The following ADGRA3 variants were observed in gnomAD, a reference collection of about 807,000 sequenced individuals.
ADGRA3 encodes adhesion G protein-coupled receptor A3.
ADGRA3 carries 56 observed loss-of-function variants against 119.8 expected under a neutral mutation model. The ratio of observed to expected loss-of-function variants is 0.47; its 90% CI spans 0.38 to 0.58. The LOEUF (loss-of-function observed/expected upper bound fraction) is 0.58. Among genes scored for constraint, ADGRA3 ranks in the 20% least tolerant of loss-of-function variants. ADGRA3 has a pLI of 0.00. For synonymous variants in ADGRA3, 607 were observed against 623.8 expected, an observed-to-expected ratio of 0.97 and a Z score of 0.40; for missense variants, 1,516 against 1,649.0, an observed-to-expected ratio of 0.92 and a Z score of 1.40.
At position 22,388,027 on chromosome 4, in the gene ADGRA3, T is replaced by A. The variant is rs1713917185; in HGVS notation, c.3644A>T (p.Glu1215Val). The change falls in exon 19 of 19, where the codon GAA becomes GTA. Residue 1215 changes from glutamate (E) to valine (V), a missense_variant. By Grantham distance (121) the Glu-to-Val change is moderately radical. Coordinates refer to ENST00000334304, the MANE Select transcript of ADGRA3 (RefSeq NM_145290.4). ...AGCTCTTCGGCTCCTCGAGTGTCCT[T>A]CGTTATTGCCCAGCCGGCTTTTAGG... ...GLPKSRLGNN[E>V]GHSRSRRAYL... The A allele has an allele frequency of 1.9e-6, 3 of 1,614,018 alleles. No individual in the cohort carries two copies. The South Asian group carries it at 3.3e-5, about 18-fold the overall frequency.
intron 12 of ADGRA3, among the ~76,000 whole-genome samples, chr4:22,415,167 TCTATGTTAATAGTTCCTAC>T (rs1715379821): frequency 6.6e-6 from 1 of 152,124 alleles, no homozygotes; most frequent in African/African-American, 2.4e-5. Flanking sequence ...TTTTGAAACC[TCTATGTTAATAGTTCCTAC>T]CACTTGCATT....
intron 2 of ADGRA3, among the ~76,000 whole-genome samples, chr4:22,472,208 G>C (rs1717880607): frequency 6.6e-6 from 1 of 152,122 alleles, no homozygotes; most frequent in Non-Finnish European, 1.5e-5. Context: ...ATATGCAAAT[G>C]GTATCTGTCA....
intron 16 of ADGRA3, chr4:22,394,919 G>GA (rs1462000440): frequency 3.3e-5 from 5 of 152,026 alleles, no homozygotes; most frequent in African/African-American, 1.2e-4. Context: ...ACAAATTTCA[G>GA]AAAAAATGAG....
intron 1 of ADGRA3, among the ~76,000 whole-genome samples, chr4:22,475,507 T>A (rs999977824): frequency 2.6e-5 from 4 of 151,990 alleles, no homozygotes; most frequent in Non-Finnish European, 5.9e-5. Context: ...GCGGGTGGAT[T>A]ATGAGGTCAG....
Position 22,413,738 on chromosome 4 carries a change from G to A in ADGRA3, c.1886C>T (p.Thr629Ile), listed in dbSNP as rs769779231. 4 of 1,613,886 alleles carry A rather than the reference G, an allele frequency of 2.5e-6. No homozygotes were observed. Among genetic ancestry groups the A allele is most frequent in the Non-Finnish European group, 3.4e-6 (4 of 1,179,846 alleles). ...SPKQKRELRP[T>I]DDSLYKLQLI... is the part of the protein sequence containing the mutation. Reference sequence around the variant, plus strand: ...TTGAAGCTTGTAAAGAGAGTCATCAGTTGGTCTGAGTTCTCTTTTTTGCTT... The same window carrying A: ...TTGAAGCTTGTAAAGAGAGTCATCAATTGGTCTGAGTTCTCTTTTTTGCTT... Residue 629 changes from threonine to isoleucine, a missense_variant, in exon 13 of 19, where the codon ACT (threonine) becomes ATT (isoleucine). Thr to Ile is a moderately conservative substitution (Grantham distance 89, BLOSUM62 -1). Around this residue, in one of 2 missense-constraint regions of ADGRA3, gnomAD observed 1,088 missense variants for 1,107.1 expected, o/e 0.98. Coordinates refer to ENST00000334304, the MANE Select transcript of ADGRA3 (RefSeq NM_145290.4).
At position 22,459,973 on chromosome 4, in the gene ADGRA3, T is replaced by G. The variant is rs575607532; in HGVS notation, c.401+1764A>C. The stretch of plus-strand genomic sequence containing the variant: ...ATCCCAGTCCCTGACCGGCCTGATC[T>G]CCCAATATTCTTTTCCCTCTTTCTA... On this transcript the variant is annotated intron_variant, in intron 3 of 18. Coordinates refer to ENST00000334304, the MANE Select transcript of ADGRA3 (RefSeq NM_145290.4). 3.3e-5 allele frequency among the ~76,000 whole-genome samples: 5 copies of G among 152,204 alleles called. No homozygotes were observed. In the East Asian group the frequency reaches 7.7e-4, roughly 24 times the overall value.
chr4:22,464,867 C>T (rs1717600472), intron 2 of ADGRA3, among the ~76,000 whole-genome samples: 1 of 152,202 alleles, frequency 6.6e-6, no homozygotes, highest in Non-Finnish European at 1.5e-5. Context: ...TAACGGCTGC[C>T]CTTGCGTCTC....
At chr4:22,502,083 A>G (rs1015075964) in intron 1 of ADGRA3, among the ~76,000 whole-genome samples, 5 of 152,174 alleles carry the variant, frequency 3.3e-5, no homozygotes, top group Non-Finnish European at 1.5e-5. Context: ...AAAGCATAGC[A>G]TCCCCTAGGA....
rs368825059 is a variant in ADGRA3, at chr4:22,506,913, T to C, written c.257+8615A>G. Reference sequence around the variant, plus strand: ...ATTGAGCAAGTTTGCATTTATAGCTTCCTAATCTTTGCAAAAACTGAGTTA... The same window carrying C: ...ATTGAGCAAGTTTGCATTTATAGCTCCCTAATCTTTGCAAAAACTGAGTTA... On this transcript the variant is annotated intron_variant, in intron 1 of 18. Transcript: ENST00000334304. Among the ~76,000 whole-genome samples, 11 of 152,284 alleles carry C rather than the reference T, an allele frequency of 7.2e-5. No individual in the cohort carries two copies. In the South Asian group the frequency reaches 2.3e-3, roughly 32 times the overall value.
At chr4:22,504,439 G>A (rs998953260) in intron 1 of ADGRA3, among the ~76,000 whole-genome samples, 4 of 152,088 alleles carry the variant, frequency 2.6e-5, no homozygotes, top group Non-Finnish European at 5.9e-5. Flanking sequence ...CCTGTCAATA[G>A]CAGGCCCTCA....
intron 10 of ADGRA3, among the ~76,000 whole-genome samples, chr4:22,429,197 A>G (rs13140185): frequency 0.67 from 101,139 of 152,060 alleles, 34,426 homozygotes; most frequent in Non-Finnish European, 0.74. Flanking sequence ...AAAACATGCC[A>G]AAATACTGAT....
At chr4:22,429,611 G>A (rs1841827) in intron 10 of ADGRA3, among the ~76,000 whole-genome samples, 101,206 of 151,944 alleles carry the variant, frequency 0.67, 34,488 homozygotes, top group Non-Finnish European at 0.74. Flanking sequence ...GCCAGGAAAC[G>A]TGCCTGTTTT....
intron 16 of ADGRA3, among the ~76,000 whole-genome samples, chr4:22,395,962 G>A (rs1330287202): frequency 3.9e-5 from 6 of 152,070 alleles, no homozygotes; most frequent in Non-Finnish European, 8.8e-5. Context: ...ACCTAACAAG[G>A]GTGGGTGGCA....
In ADGRA3 at chr4:22,388,398, A is replaced by T; in HGVS notation, c.3273T>A (p.Asn1091Lys). The T allele has an allele frequency of 6.2e-7, 1 of 1,614,042 alleles. No homozygotes were observed. The highest frequency in any genetic ancestry group is 1.3e-5 in the African/African-American group (1 of 75,008). ...TTGTGCATGAAGACTCCGCACTGCT[A>T]TTGGGGCATTTGGGTGCCTCTCCAT... Reference protein sequence around the residue: ...GTNGEAPKCPNSSAESSCTNK... With the variant: ...GTNGEAPKCPKSSAESSCTNK... The change falls in exon 19 of 19, where the codon AAT becomes AAA. Residue 1091 changes from asparagine (N) to lysine (K), a missense_variant. Around this residue, in one of 2 missense-constraint regions of ADGRA3, gnomAD observed 1,088 missense variants for 1,107.1 expected, o/e 0.98. Coordinates refer to ENST00000334304, the MANE Select transcript of ADGRA3 (RefSeq NM_145290.4).
intron 5 of ADGRA3, among the ~76,000 whole-genome samples, chr4:22,445,354 TG>T: frequency 6.6e-6 from 1 of 152,252 alleles, no homozygotes; most frequent in East Asian, 1.9e-4. Flanking sequence ...CTGCTTTGGA[TG>T]AAATTTTGTA....
intron 1 of ADGRA3, among the ~76,000 whole-genome samples, chr4:22,503,821 G>A (rs954456950): frequency 2.0e-5 from 3 of 152,158 alleles, no homozygotes; most frequent in African/African-American, 7.2e-5. Context: ...GGCAGAGAAT[G>A]GTACTGAGAC....
chr4:22,447,203 T>A (rs1192347216), intron 5 of ADGRA3, among the ~76,000 whole-genome samples: 1 of 152,188 alleles, frequency 6.6e-6, no homozygotes, highest in African/African-American at 2.4e-5. Flanking sequence ...CCAGTTTACT[T>A]ACTCTAAATA....
At chr4:22,469,907 C>A (rs181863711) in intron 2 of ADGRA3, among the ~76,000 whole-genome samples, 60 of 152,290 alleles carry the variant, frequency 3.9e-4, no homozygotes, top group Non-Finnish European at 6.0e-4. Flanking sequence ...CTGGCACTCC[C>A]AAACTTGGTA....
At chr4:22,450,969 T>C (rs1717021233) in intron 4 of ADGRA3, among the ~76,000 whole-genome samples, 1 of 147,360 alleles carries the variant, frequency 6.8e-6, no homozygotes, top group Non-Finnish European at 1.5e-5. Context: ...TATATATATA[T>C]ATACACCAGA....
Sources: gnomAD v4.1 joint callset for allele counts (sites outside exome capture counted in the v4.1 genomes callset) on GRCh38, gnomAD v4.1.1 for gene constraint, gnomAD v4.1.1 regional missense constraint, MANE v1.5 for transcripts, NCBI Gene and HGNC (gene_info 2026-07-23, HGNC 2026-07-21) for gene names.